FAT3: variants seen among roughly 807,000 people sequenced by gnomAD.
FAT3 encodes the protein FAT atypical cadherin 3, also known as protocadherin Fat 3.
A neutral mutation model predicts 310.2 loss-of-function variants in FAT3; 95 were observed. The observed-to-expected ratio is 0.31, with a 90% CI of 0.26 to 0.36. FAT3 has a LOEUF of 0.36. Ranked by LOEUF, FAT3 falls within the 10% of genes least tolerant of loss-of-function variation. FAT3 has a pLI of 1.00. For missense variants in FAT3, 5,408 were observed against 5,715.6 expected, an observed-to-expected ratio of 0.95 and a Z score of 1.74; for synonymous variants, 2,314 against 2,192.9, an observed-to-expected ratio of 1.06 and a Z score of -1.54.
At chr11:92,391,741 T>A (rs1949754001) in intron 2 of FAT3, among the ~76,000 whole-genome samples, 1 of 152,244 alleles carries the variant, frequency 6.6e-6, no homozygotes, top group Admixed American at 6.5e-5. Flanking sequence ...AGTTCTGTGC[T>A]TTTAGATCAT....
chr11:92,259,512 A>G (rs986051821), intron 1 of FAT3, among the ~76,000 whole-genome samples: 2 of 152,100 alleles, frequency 1.3e-5, no homozygotes, highest in Admixed American at 6.6e-5. Context: ...AAAGACATGA[A>G]TGGACTTTAA....
intron 3 of FAT3, among the ~76,000 whole-genome samples, chr11:92,566,988 A>G (rs1208139638): frequency 6.6e-6 from 1 of 152,196 alleles, no homozygotes; most frequent in East Asian, 1.9e-4. Flanking sequence ...CAAGGACTTC[A>G]TGTCTAAAAC....
intron 1 of FAT3, among the ~76,000 whole-genome samples, chr11:92,241,174 T>C (rs1864657067): frequency 6.6e-6 from 1 of 152,122 alleles, no homozygotes; most frequent in Admixed American, 6.6e-5. Context: ...CATTCATTAC[T>C]GAGCTATCCT....
At chr11:92,647,055 T>G (rs1021412859) in intron 3 of FAT3, among the ~76,000 whole-genome samples, 1 of 152,176 alleles carries the variant, frequency 6.6e-6, no homozygotes, top group African/African-American at 2.4e-5. Flanking sequence ...CATTGGCTTT[T>G]AGGATGCTCA....
Position 92,354,880 on chromosome 11 carries a change from A to C in FAT3, c.2768A>C (p.Lys923Thr). The change falls in exon 2 of 28, where the codon AAA (lysine) becomes ACA (threonine). Residue 923 changes from lysine (K) to threonine (T), a missense_variant. Lys to Thr is a moderately conservative substitution (Grantham distance 78, BLOSUM62 -1). Coordinates refer to ENST00000525166, the MANE Select transcript of FAT3 (RefSeq NM_001367949.2). ...CAGCTGTTTTCAGTTGTCACTCTTA[A>C]AGTTTTTTTAGATGATGTCAATGAC... ...GQQLFSVVTL[K>T]VFLDDVNDCS... The C allele has an allele frequency of 3.1e-6, 5 of 1,613,852 alleles. No individual in the cohort carries two copies.
At chr11:92,255,818 T>C (rs888471729) in intron 1 of FAT3, among the ~76,000 whole-genome samples, 3 of 152,108 alleles carry the variant, frequency 2.0e-5, no homozygotes, top group Admixed American at 2.0e-4. Flanking sequence ...TAAAACTAAG[T>C]AAAGGAAAAA....
intron 1 of FAT3, among the ~76,000 whole-genome samples, chr11:92,309,495 G>A (rs374590321): frequency 6.6e-6 from 1 of 152,128 alleles, no homozygotes. Flanking sequence ...TAAAACGCTG[G>A]TTGCTGTGCA....
At chr11:92,495,960 T>G (rs1952744326) in intron 2 of FAT3, among the ~76,000 whole-genome samples, 1 of 152,082 alleles carries the variant, frequency 6.6e-6, no homozygotes, top group East Asian at 1.9e-4. Context: ...GCTATTTATT[T>G]TGGTAACCTG....
intron 3 of FAT3, among the ~76,000 whole-genome samples, chr11:92,591,904 A>G (rs1490145220): frequency 6.6e-6 from 1 of 152,204 alleles, no homozygotes; most frequent in Non-Finnish European, 1.5e-5. Context: ...TTCAGTATTC[A>G]TTCTTGAGTT....
At chr11:92,770,793 A>G (rs1042574489) in intron 6 of FAT3, among the ~76,000 whole-genome samples, 1 of 152,134 alleles carries the variant, frequency 6.6e-6, no homozygotes, top group East Asian at 1.9e-4. Flanking sequence ...GAAAAACTAG[A>G]CTGAATCACG....
At chr11:92,433,210 C>G (rs150779109) in intron 2 of FAT3, among the ~76,000 whole-genome samples, 2,025 of 152,258 alleles carry the variant, frequency 0.013, 29 homozygotes, top group Non-Finnish European at 0.019. Flanking sequence ...CACTTGGCTC[C>G]CTGGCTTCAG....
At chr11:92,420,406 G>A (rs1315829535) in intron 2 of FAT3, among the ~76,000 whole-genome samples, 3 of 152,198 alleles carry the variant, frequency 2.0e-5, no homozygotes, top group Non-Finnish European at 4.4e-5. Context: ...GCTGAACCAA[G>A]TTTGCATGTG....
At chr11:92,315,510 T>G (rs66949139) in intron 1 of FAT3, among the ~76,000 whole-genome samples, 8,479 of 77,204 alleles carry the variant, frequency 0.11, 535 homozygotes, top group African/African-American at 0.26. Flanking sequence ...TATATATATA[T>G]ATAGAGAGAG....
In FAT3 at chr11:92,581,156, C is replaced by T. The variant is rs370985956; in HGVS notation, c.3607+56208C>T. Among the ~76,000 whole-genome samples, 7 of 152,006 alleles carry T rather than the reference C, an allele frequency of 4.6e-5. No homozygotes were observed. The South Asian group carries it at 1.0e-3, about 22-fold the overall frequency. ...AAATACAAGTCTGGCCCTCCCCATC[C>T]AGCATACTCCAGATCCTACTAGGGT... On this transcript the variant is annotated intron_variant, in intron 3 of 27. Transcript: ENST00000525166.
intron 2 of FAT3, among the ~76,000 whole-genome samples, chr11:92,478,968 T>TTTCTTTC (rs71064711): frequency 5.7e-5 from 4 of 70,030 alleles, no homozygotes; most frequent in Non-Finnish European, 1.2e-4. Flanking sequence ...TTTTCTTTTC[T>TTTCTTTC]TTTCTTTTCT....
chr11:92,477,475 C>T (rs181119427), intron 2 of FAT3, among the ~76,000 whole-genome samples: 2 of 152,238 alleles, frequency 1.3e-5, no homozygotes, highest in East Asian at 1.9e-4. Flanking sequence ...TTTATAAGTA[C>T]TTGTTCTTAT....
At position 92,379,973 on chromosome 11, in the gene FAT3, C is replaced by A. The variant is rs377390212; in HGVS notation, c.3292+24569C>A. Among the ~76,000 whole-genome samples the A allele has an allele frequency of 4.6e-5, 7 of 152,004 alleles. No homozygotes were observed. The South Asian group carries it at 1.5e-3, about 32-fold the overall frequency. Reference sequence around the variant, plus strand: ...CTAAAGGGACTGGTTAGGTTCTGAGCTGGAAGAATGTTTGGAGGAAGTAAC... The same window carrying A: ...CTAAAGGGACTGGTTAGGTTCTGAGATGGAAGAATGTTTGGAGGAAGTAAC... On this transcript the variant is annotated intron_variant, in intron 2 of 27. Transcript: ENST00000525166.
intron 3 of FAT3, among the ~76,000 whole-genome samples, chr11:92,697,017 TATTA>T (rs1943962497): frequency 6.6e-6 from 1 of 152,208 alleles, no homozygotes; most frequent in Admixed American, 6.5e-5. Flanking sequence ...ATAAACAACC[TATTA>T]ATTGTTCAGG....
chr11:92,431,932 T>C (rs1950790947), intron 2 of FAT3, among the ~76,000 whole-genome samples: 4 of 152,238 alleles, frequency 2.6e-5, no homozygotes, highest in African/African-American at 9.6e-5. Flanking sequence ...TCAGGTAGCA[T>C]GATGCCTCCA....
Sources: allele counts gnomAD v4.1 joint callset (sites outside exome capture counted in the v4.1 genomes callset), GRCh38; gene constraint gnomAD v4.1.1; transcripts MANE v1.5; gene names NCBI Gene and HGNC (gene_info 2026-07-23, HGNC 2026-07-21).